The following MAGI1 variants were observed in gnomAD, a reference collection of about 807,000 sequenced individuals.
MAGI1 encodes membrane-associated guanylate kinase, WW and PDZ domain-containing protein 1.
MAGI1 carries 58 observed loss-of-function variants against 139.9 expected under a neutral mutation model. The ratio of observed to expected loss-of-function variants is 0.41; its 90% CI spans 0.34 to 0.52. The LOEUF (loss-of-function observed/expected upper bound fraction) is 0.52. Among genes scored for constraint, MAGI1 ranks in the 20% least tolerant of loss-of-function variants. MAGI1 has a pLI of 0.12. For missense variants in MAGI1, 1,874 were observed against 1,901.6 expected (o/e 0.99, Z 0.27); for synonymous variants, 812 against 737.9 (o/e 1.10, Z -1.63).
intron 1 of MAGI1, chr3:65,688,170 C>A: frequency 1.3e-6 from 1 of 768,146 alleles, no homozygotes; most frequent in Non-Finnish European, 2.3e-6. Context: ...CACTGACCCC[C>A]GTGAGAGCGG....
Position 65,748,098 on chromosome 3 carries a change from C to T in MAGI1, c.314-126010G>A, listed in dbSNP as rs367632174. Among the ~76,000 whole-genome samples the T allele has an allele frequency of 8.3e-4, 127 of 152,308 alleles. 1 individual carries two copies. Among genetic ancestry groups the T allele is most frequent in the African/African-American group, 3.0e-3 (123 of 41,556 alleles). On this transcript the variant is annotated intron_variant, in intron 1 of 22. Coordinates refer to ENST00000402939, the MANE Select transcript of MAGI1 (RefSeq NM_001033057.2). Reference sequence around the variant, plus strand: ...TGATAGCTAAGAGGGACAAGGAAAACCTAAGAGTCTCAGAGGCAGTCAGGC... The same window carrying T: ...TGATAGCTAAGAGGGACAAGGAAAATCTAAGAGTCTCAGAGGCAGTCAGGC...
chr3:65,359,304 G>A (rs538176130), intron 22 of MAGI1: 1 of 1,452,528 alleles, frequency 6.9e-7, no homozygotes, highest in African/African-American at 1.4e-5. Context: ...TATTTGTCCA[G>A]TCAGACAGTC....
intron 1 of MAGI1, among the ~76,000 whole-genome samples, chr3:65,660,830 C>A (rs2086151570): frequency 6.6e-6 from 1 of 152,140 alleles, no homozygotes; most frequent in Admixed American, 6.6e-5. Flanking sequence ...TAAGCTATTA[C>A]AATACTTTGG....
chr3:65,436,069 T>C (rs1947825689), intron 10 of MAGI1, among the ~76,000 whole-genome samples: 1 of 152,170 alleles, frequency 6.6e-6, no homozygotes. Context: ...ATTAAAGCCA[T>C]TATCACCATT....
At chr3:65,474,133 C>T (rs577906147) in intron 4 of MAGI1, among the ~76,000 whole-genome samples, 1 of 152,194 alleles carries the variant, frequency 6.6e-6, no homozygotes, top group African/African-American at 2.4e-5. Context: ...GGTGTAGTGG[C>T]ACGTGTCCAT....
In MAGI1 at chr3:65,439,889, CTGCTGCTGCTGCTGCTGCTGCTGCTGT is replaced by C. The variant is rs751307588; in HGVS notation, c.1233_1259del (p.Gln413_Gln421del). 7.6e-6 allele frequency: 12 copies of C among 1,586,634 alleles called. No individual in the cohort carries two copies. The Admixed American group carries it at 1.3e-4, about 18-fold the overall frequency. ...AGGAAAGAGGCCAACCTTCTGTCTG[CTGCTGCTGCTGCTGCTGCTGCTGCTGT>C]TGCTGCTGCTGTTGCTGCTGCTGCT... On this transcript the variant is annotated inframe_deletion, in exon 9 of 23. Coordinates refer to ENST00000402939, the MANE Select transcript of MAGI1 (RefSeq NM_001033057.2).
At chr3:65,387,420 A>C (rs1449624126) in intron 14 of MAGI1, among the ~76,000 whole-genome samples, 1 of 151,946 alleles carries the variant, frequency 6.6e-6, no homozygotes, top group Admixed American at 6.6e-5. Context: ...ACTTGTAAAA[A>C]AGGTAGAATT....
chr3:65,808,482 A>G (rs989780432), intron 1 of MAGI1, among the ~76,000 whole-genome samples: 2 of 152,186 alleles, frequency 1.3e-5, no homozygotes, highest in Non-Finnish European at 2.9e-5. Context: ...TGGATGACAG[A>G]GCAAGACTCT....
At chr3:65,853,228 A>G (rs1377714054) in intron 1 of MAGI1, among the ~76,000 whole-genome samples, 1 of 152,226 alleles carries the variant, frequency 6.6e-6, no homozygotes, top group Non-Finnish European at 1.5e-5. Context: ...CATCTTTGTT[A>G]ATTCATAACT....
chr3:65,846,743 T>G (rs562087832), intron 1 of MAGI1, among the ~76,000 whole-genome samples: 1 of 152,138 alleles, frequency 6.6e-6, no homozygotes, highest in South Asian at 2.1e-4. Context: ...CCAAGGCAGG[T>G]AGGAAATGGT....
In MAGI1 at chr3:66,003,836, G is replaced by C. The variant is rs565065660; in HGVS notation, c.313+34160C>G. On this transcript the variant is annotated intron_variant, in intron 1 of 22. Coordinates refer to ENST00000402939, the MANE Select transcript of MAGI1 (RefSeq NM_001033057.2). ...CAAATTCTCACTTTTTTGTTTGTTT[G>C]GTTTTTGGTTAGTCAAGTAAAGTAG... The C allele has an allele frequency of 3.9e-5, 6 of 152,044 alleles. No homozygotes were observed. In the South Asian group the frequency reaches 1.2e-3, roughly 32 times the overall value. 9.4% of individuals were successfully genotyped at this position (152,044 alleles called of 1,614,324 possible). A position where few individuals can be genotyped will look rare whatever the true frequency, so the allele number is the denominator to read the frequency against.
Position 65,569,984 on chromosome 3 carries a change from CA to C in MAGI1, c.430+51987del, listed in dbSNP as rs2080872864. ...ATGGGACAAGGCAAGGAGGACTTTG[CA>C]ACATTAGAAAGATGAGAGGTAGTAT... On this transcript the variant is annotated intron_variant, in intron 2 of 22. Coordinates refer to ENST00000402939, the MANE Select transcript of MAGI1 (RefSeq NM_001033057.2). 1.1e-4 allele frequency among the ~76,000 whole-genome samples: 16 copies of C among 151,284 alleles called. 1 individual carries two copies. The South Asian group carries it at 3.2e-3, about 30-fold the overall frequency.
intron 5 of MAGI1, chr3:65,470,008 C>T (rs1950459372): frequency 1.3e-5 from 2 of 159,194 alleles, no homozygotes; most frequent in South Asian, 2.0e-4. Flanking sequence ...TAAATATGCT[C>T]TTTGAATATT....
chr3:65,610,189 T>C (rs1419489827), intron 2 of MAGI1, among the ~76,000 whole-genome samples: 3 of 152,146 alleles, frequency 2.0e-5, no homozygotes. Context: ...CTCAAGTGGA[T>C]TGGAATGGGG....
rs148924626 is a variant in MAGI1, at chr3:65,430,694, G to A, written c.1546+5C>T. On this transcript the variant is annotated splice_donor_5th_base_variant and intron_variant, in intron 11 of 22. Coordinates refer to ENST00000402939, the MANE Select transcript of MAGI1 (RefSeq NM_001033057.2). Reference sequence around the variant, plus strand: ...CAGAACACACTAAGGCCATGTTGACGCTACCTGTTTCCATCTTGCCATCCA... The same window carrying A: ...CAGAACACACTAAGGCCATGTTGACACTACCTGTTTCCATCTTGCCATCCA... 9.2e-5 allele frequency: 148 copies of A among 1,612,500 alleles called. No homozygotes were observed. Among genetic ancestry groups the A allele is most frequent in the Non-Finnish European group, 1.1e-4 (134 of 1,179,404 alleles).
intron 1 of MAGI1, among the ~76,000 whole-genome samples, chr3:65,711,700 G>A (rs1365918403): frequency 2.0e-5 from 3 of 152,176 alleles, no homozygotes; most frequent in Admixed American, 6.5e-5. Context: ...GAATGAGCAT[G>A]TATCCAGCAG....
intron 1 of MAGI1, among the ~76,000 whole-genome samples, chr3:65,652,416 G>A (rs528815867): frequency 1.8e-4 from 27 of 152,180 alleles, no homozygotes; most frequent in African/African-American, 6.0e-4. Flanking sequence ...GGAGAAGGGG[G>A]TCTTGCTCAG....
chr3:65,362,001 C>A (rs1017344250), intron 21 of MAGI1, among the ~76,000 whole-genome samples: 1 of 152,176 alleles, frequency 6.6e-6, no homozygotes, highest in South Asian at 2.1e-4. Context: ...ATTTTAGACA[C>A]TGGAAATAAA....
intron 1 of MAGI1, among the ~76,000 whole-genome samples, chr3:65,905,064 T>C (rs777469035): frequency 6.6e-6 from 1 of 152,226 alleles, no homozygotes; most frequent in Non-Finnish European, 1.5e-5. Context: ...TTAAAAATTA[T>C]ACTAAAAATA....
Sources: gnomAD v4.1 joint callset for allele counts (sites outside exome capture counted in the v4.1 genomes callset) on GRCh38, gnomAD v4.1.1 for gene constraint, MANE v1.5 for transcripts, NCBI Gene and HGNC (gene_info 2026-07-23, HGNC 2026-07-21) for gene names.